Variants in MCCC2 observed in about 807,000 individuals in gnomAD.
MCCC2 encodes the protein methylcrotonyl-CoA carboxylase subunit 2.
A neutral mutation model predicts 77.2 loss-of-function variants in MCCC2; 52 were observed. The ratio of observed to expected loss-of-function variants is 0.67; its 90% CI spans 0.54 to 0.85. The LOEUF (loss-of-function observed/expected upper bound fraction) is 0.85. MCCC2 is among the 40% of genes least tolerant of loss of function. MCCC2 has a pLI of 0.00. For missense variants in MCCC2, 682 were observed against 703.2 expected (o/e 0.97, Z 0.34); for synonymous variants, 253 against 248.4 (o/e 1.02, Z -0.18).
chr5:71,587,619 A>G (rs1744816075), intron 1 of MCCC2, 65 bp downstream of exon 1: 2 of 1,518,680 alleles, frequency 1.3e-6, no homozygotes, highest in Admixed American at 4.0e-5. Context: ...GAGGAGGGGC[A>G]CGCTTCAACA....
Position 71,656,875 on chromosome 5 carries a change from G to A in MCCC2, c.*15G>A. On this transcript the variant is annotated 3_prime_UTR_variant, in exon 17 of 17. Coordinates refer to ENST00000340941, the MANE Select transcript of MCCC2 (RefSeq NM_022132.5). ...TCAGGATGTAACTGGAATAAAGGAT[G>A]TTTTCTGTTGGACATGTACTGAAAA... 3 of 1,584,354 alleles carry A rather than the reference G, an allele frequency of 1.9e-6. No individual in the cohort carries two copies. Among genetic ancestry groups the A allele is most frequent in the Non-Finnish European group, 1.7e-6 (2 of 1,153,006 alleles).
At chr5:71,639,623 A>T (rs1747050739) in intron 10 of MCCC2, among the ~76,000 whole-genome samples, 1 of 152,248 alleles carries the variant, frequency 6.6e-6, no homozygotes, top group Non-Finnish European at 1.5e-5. Flanking sequence ...TTTTGTGAAG[A>T]TAAGTGAATG....
intron 8 of MCCC2, among the ~76,000 whole-genome samples, chr5:71,634,148 A>G (rs1746837425): frequency 1.3e-5 from 2 of 152,282 alleles, no homozygotes; most frequent in Non-Finnish European, 2.9e-5. Context: ...TCAGGTATGT[A>G]TTTTTGACTG....
chr5:71,587,703 G>T (rs751404909), intron 1 of MCCC2, 149 bp downstream of exon 1: 32 of 1,108,372 alleles, frequency 2.9e-5, no homozygotes, highest in Non-Finnish European at 3.8e-5. Flanking sequence ...AAGCCTAACA[G>T]ATACAAGAAA....
intron 3 of MCCC2, among the ~76,000 whole-genome samples, chr5:71,598,940 G>C (rs983938695): frequency 7.9e-6 from 1 of 126,930 alleles, no homozygotes; most frequent in African/African-American, 2.8e-5. Flanking sequence ...TTTTTTTTTT[G>C]TAAAGATGGG....
rs1388142814 is a variant in MCCC2 at position 71,595,576 on chromosome 5, ATAAAC to A, written c.197-700_197-696del. On this transcript the variant is annotated intron_variant, in intron 2 of 16. Transcript: ENST00000340941. ...ATGAAATTCTTGGACACCAATAAAA[ATAAAC>A]TAATGTTTTAATTATTAAAGGTACA... is the stretch of plus-strand genomic sequence containing the variant. 3.9e-5 allele frequency among the ~76,000 whole-genome samples: 6 copies of A among 152,334 alleles called. No individual in the cohort carries two copies. The South Asian group carries it at 1.2e-3, about 32-fold the overall frequency.
In MCCC2 at chr5:71,604,353, C is replaced by T. The variant is rs1190673975; in HGVS notation, c.512-3C>T. On this transcript the variant is annotated splice_region_variant and splice_polypyrimidine_tract_variant and intron_variant, in intron 5 of 16. Transcript: ENST00000340941. ...GCTTATGTTTCTCATTTCTTGTCTT[C>T]AGTTGATTCGGGAGGAGCATACTTA... is the stretch of plus-strand genomic sequence containing the variant. The T allele has an allele frequency of 1.9e-6, 3 of 1,612,866 alleles. No individual in the cohort carries two copies. The highest frequency in any genetic ancestry group is 1.1e-5 in the South Asian group (1 of 91,076).
At chr5:71,652,152 CT>C (rs1747453248) in intron 15 of MCCC2, among the ~76,000 whole-genome samples, 2 of 152,050 alleles carry the variant, frequency 1.3e-5, no homozygotes, top group Non-Finnish European at 1.5e-5. Flanking sequence ...CCTTGTAATA[CT>C]GATGGGAAGG....
chr5:71,610,743 T>C (rs1745902271), intron 6 of MCCC2, among the ~76,000 whole-genome samples: 1 of 152,146 alleles, frequency 6.6e-6, no homozygotes, highest in Non-Finnish European at 1.5e-5. Context: ...TCCCAGCACT[T>C]TGGGAGGCCG....
rs1747364619 is a variant in MCCC2, at chr5:71,649,258, G to C, written c.1373+5G>C. 6.2e-7 allele frequency: 1 copy of C among 1,613,126 alleles called. No homozygotes were observed. Among genetic ancestry groups the C allele is most frequent in the East Asian group, 2.2e-5 (1 of 44,872 alleles). ...GATGTGTGGCAGAGCATATAGGTAG[G>C]TGTCATGATTTTCTCTGAAACAAAG... On this transcript the variant is annotated splice_donor_5th_base_variant and intron_variant, in intron 14 of 16. Transcript: ENST00000340941.
chr5:71,628,320 G>A lies in MCCC2; in HGVS notation c.738+1567G>A, dbSNP rs557689202. 2.0e-5 allele frequency among the ~76,000 whole-genome samples: 3 copies of A among 152,332 alleles called. No individual in the cohort carries two copies. In the East Asian group the frequency reaches 5.8e-4, roughly 29 times the overall value. On this transcript the variant is annotated intron_variant, in intron 7 of 16. Coordinates refer to ENST00000340941, the MANE Select transcript of MCCC2 (RefSeq NM_022132.5). ...ATTTGCAAATATTTTTGCTCATTCT[G>A]TAGGTTGTCTTTTTTACTTTCTTAG...
chr5:71,632,124 A>T lies in MCCC2; in HGVS notation c.742A>T (p.Lys248Ter). Residue 248 changes from lysine to a stop codon, truncating the protein, a stop_gained, in exon 8 of 17, where the codon AAA (lysine) becomes TAA (stop). Transcript: ENST00000340941. LOFTEE classifies it high-confidence loss of function. ...TIFLAGPPLV[K>*]AATGEEVSAE... ...ATGATTTTTATCCTTGTTGTAGGTTAAAGCGGCAACTGGGGAAGAAGTATC... is the reference window on the plus strand; with the variant it reads ...ATGATTTTTATCCTTGTTGTAGGTTTAAGCGGCAACTGGGGAAGAAGTATC... 2 of 1,614,170 alleles carry T rather than the reference A, an allele frequency of 1.2e-6. No homozygotes were observed. Among genetic ancestry groups the T allele is most frequent in the Non-Finnish European group, 1.7e-6 (2 of 1,179,976 alleles).
At chr5:71,606,149 T>C (rs1745667608) in intron 6 of MCCC2, among the ~76,000 whole-genome samples, 1 of 151,842 alleles carries the variant, frequency 6.6e-6, no homozygotes, top group South Asian at 2.1e-4. Context: ...GCATTGAATC[T>C]GTAAATTACC....
At chr5:71,627,110 G>C (rs1360567489) in intron 7 of MCCC2, among the ~76,000 whole-genome samples, 1 of 152,204 alleles carries the variant, frequency 6.6e-6, no homozygotes, top group Admixed American at 6.5e-5. Context: ...TTTTGTGATA[G>C]ACGTATTTCA....
intron 8 of MCCC2, 92 bp from the exon 9 acceptor site, chr5:71,634,851 C>T (rs778622385): frequency 1.8e-4 from 208 of 1,144,894 alleles, no homozygotes; most frequent in Non-Finnish European, 2.6e-4. Flanking sequence ...AAAGTGCTGT[C>T]ATCTTTAGAT....
In MCCC2 at chr5:71,627,686, G is replaced by A. The variant is rs1374639925; in HGVS notation, c.738+933G>A. Among the ~76,000 whole-genome samples, 36 of 152,152 alleles carry A rather than the reference G, an allele frequency of 2.4e-4. 1 individual carries two copies. Reference sequence around the variant, plus strand: ...TGTTTTACATTTCTACCAGCAGCATGTGAGGGTTCTGATTGTTCCACATTC... The same window carrying A: ...TGTTTTACATTTCTACCAGCAGCATATGAGGGTTCTGATTGTTCCACATTC... On this transcript the variant is annotated intron_variant, in intron 7 of 16. Transcript: ENST00000340941.
At chr5:71,598,669 T>G (rs1340960184) in intron 3 of MCCC2, among the ~76,000 whole-genome samples, 1 of 148,928 alleles carries the variant, frequency 6.7e-6, no homozygotes, top group Non-Finnish European at 1.5e-5. Context: ...TTATCCAGGC[T>G]GGTCTCAAAC....
rs1747369838 is a variant in MCCC2 at position 71,649,363 on chromosome 5, A to G, written c.1373+110A>G. On this transcript the variant is annotated intron_variant, in intron 14 of 16. Transcript: ENST00000340941. ...TATAGAATGCCATTCCCAGATCTCAATCAATTATACCGTAATTTGTATCAT... is the reference window on the plus strand; with the variant it reads ...TATAGAATGCCATTCCCAGATCTCAGTCAATTATACCGTAATTTGTATCAT... 4 of 1,046,690 alleles carry G rather than the reference A, an allele frequency of 3.8e-6. No individual in the cohort carries two copies. In the South Asian group the frequency reaches 4.0e-5, roughly 11 times the overall value. 64.8% of individuals were successfully genotyped at this position (1,046,690 alleles called of 1,614,324 possible).
chr5:71,657,796 CT>C lies in MCCC2; in HGVS notation c.*937del, dbSNP rs1747625180. On this transcript the variant is annotated 3_prime_UTR_variant, in exon 17 of 17. Coordinates refer to ENST00000340941, the MANE Select transcript of MCCC2 (RefSeq NM_022132.5). ...TATTCTTGCTGGGCCATTTCAGCCC[CT>C]GTCATGGCTTCACTCGCCATCTAAA... 1 of 152,186 alleles carries C rather than the reference CT, an allele frequency of 6.6e-6. No homozygotes were observed. Among genetic ancestry groups the C allele is most frequent in the Admixed American group, 6.5e-5 (1 of 15,276 alleles). The allele number at this position is 152,186 out of a possible 1,614,324, so 9.4% of individuals were successfully genotyped here.
Sources: gnomAD v4.1 joint callset for allele counts (sites outside exome capture counted in the v4.1 genomes callset) on GRCh38, gnomAD v4.1.1 for gene constraint, MANE v1.5 for transcripts, NCBI Gene and HGNC (gene_info 2026-07-23, HGNC 2026-07-21) for gene names.